PANK4: variants seen among roughly 807,000 people sequenced by gnomAD.
The protein encoded by PANK4 is pantothenate kinase 4 (inactive).
A neutral mutation model predicts 87.9 loss-of-function variants in PANK4; 40 were observed. The ratio of observed to expected loss-of-function variants is 0.46; its 90% confidence interval spans 0.35 to 0.59. The LOEUF is 0.59. Among genes scored for constraint, PANK4 ranks in the 20% least tolerant of loss-of-function variants. The pLI is 0.00. For missense variants in PANK4, 926 were observed against 1,072.3 expected, an observed-to-expected ratio of 0.86 and a Z score of 1.90; for synonymous variants, 524 against 467.4, an observed-to-expected ratio of 1.12 and a Z score of -1.56.
Position 2,521,194 on chromosome 1 carries a change from T to A in PANK4, c.329A>T (p.Asp110Val). The change falls in exon 3 of 19, where the codon GAC becomes GTC. Residue 110 changes from aspartate to valine, a missense_variant. Coordinates refer to ENST00000378466, the MANE Select transcript of PANK4 (RefSeq NM_018216.4). ...YIEACLDFIK[D>V]HLVNTETKVI... ...CTTGGTCTCTGTGTTGACGAGATGG[T>A]CTTTGATGAAGTCCAGGCAGGCTTC... is the stretch of plus-strand genomic sequence containing the variant. 12 of 1,613,910 alleles carry A rather than the reference T, an allele frequency of 7.4e-6. No individual in the cohort carries two copies. Among genetic ancestry groups the A allele is most frequent in the Non-Finnish European group, 1.0e-5 (12 of 1,179,954 alleles).
rs2100767999 is a variant in PANK4 at position 2,509,784 on chromosome 1, A to G, written c.2108+78T>C. On this transcript the variant is annotated intron_variant, in intron 18 of 18. Coordinates refer to ENST00000378466, the MANE Select transcript of PANK4 (RefSeq NM_018216.4). The surrounding 1 kb of genome is among the most constrained non-coding windows in gnomAD (Gnocchi z 4.9). ...GGCAGTCCTGAGGTCGGTGTCCCGCATGCACCTGGGTGCAGGTGCACGGCA... is the reference window on the plus strand; with the variant it reads ...GGCAGTCCTGAGGTCGGTGTCCCGCGTGCACCTGGGTGCAGGTGCACGGCA... 2 of 1,282,354 alleles carry G rather than the reference A, an allele frequency of 1.6e-6. No individual in the cohort carries two copies. Among genetic ancestry groups the G allele is most frequent in the South Asian group, 1.2e-5 (1 of 81,926 alleles). 79.4% of individuals were successfully genotyped at this position (1,282,354 alleles called of 1,614,324 possible).
chr1:2,513,806 AAC>A (rs1217840254), intron 12 of PANK4, among the ~76,000 whole-genome samples, 194 bp downstream of exon 12: 2 of 152,222 alleles, frequency 1.3e-5, no homozygotes, highest in African/African-American at 2.4e-5. Context: ...CTGTGGGGGT[AAC>A]ACAGCTCCTC....
In PANK4 at chr1:2,510,671, C is replaced by A. The variant is rs1475739614; in HGVS notation, c.1938+7G>T. On this transcript the variant is annotated splice_region_variant and intron_variant, in intron 16 of 18. Coordinates refer to ENST00000378466, the MANE Select transcript of PANK4 (RefSeq NM_018216.4). This position sits in a 1 kb window ranked among gnomAD's most constrained non-coding sequence, Gnocchi z 4.9. ...GGAAGGGCCCCACCCACCACCTCAA[C>A]ACTCACCTCTGTCCCTCTAAGGAGT... is the stretch of plus-strand genomic sequence containing the variant. 1.3e-6 allele frequency: 2 copies of A among 1,533,614 alleles called. No individual in the cohort carries two copies. Among genetic ancestry groups the A allele is most frequent in the South Asian group, 2.2e-5 (2 of 89,502 alleles).
chr1:2,510,877 C>T lies in PANK4; in HGVS notation c.1834-95G>A, dbSNP rs1172090741. 12 of 773,994 alleles carry T rather than the reference C, an allele frequency of 1.6e-5. No individual in the cohort carries two copies. The highest frequency in any genetic ancestry group is 5.8e-5 in the South Asian group (4 of 68,420). The allele number at this position is 773,994 out of a possible 1,614,324, so 47.9% of individuals were successfully genotyped here. The stretch of plus-strand genomic sequence containing the variant: ...GCCCGTCACGCTGCCCTGCAGGGGC[C>T]GAGACTGGGGGCTTCAGGGCCCCAG... On this transcript the variant is annotated intron_variant, in intron 15 of 18. Coordinates refer to ENST00000378466, the MANE Select transcript of PANK4 (RefSeq NM_018216.4). This position sits in a 1 kb window ranked among gnomAD's most constrained non-coding sequence, Gnocchi z 4.9.
At chr1:2,514,197 G>C in intron 11 of PANK4, 108 bp from the exon 12 acceptor site, 1 of 1,155,600 alleles carries the variant, frequency 8.7e-7, no homozygotes, top group Non-Finnish European at 1.3e-6. Context: ...CAGTGCAAAC[G>C]CTGCTTGAGG....
Position 2,519,793 on chromosome 1 carries a change from G to GT in PANK4, c.853+7dup. The GT allele has an allele frequency of 6.4e-7, 1 of 1,572,056 alleles. No individual in the cohort carries two copies. The highest frequency in any genetic ancestry group is 2.3e-5 in the East Asian group (1 of 43,132). On this transcript the variant is annotated splice_region_variant and intron_variant, in intron 6 of 18. Coordinates refer to ENST00000378466, the MANE Select transcript of PANK4 (RefSeq NM_018216.4). This position sits in a 1 kb window ranked among gnomAD's most constrained non-coding sequence, Gnocchi z 8.3. ...CTGCTCTCTGGCGGCAGAGGCCGGG[G>GT]TGAGCACCTTGGTCGGCGGTGGCCG...
rs757093594 is a variant in PANK4 at position 2,515,541 on chromosome 1, G to C, written c.1374+21C>G. 1 of 1,611,570 alleles carries C rather than the reference G, an allele frequency of 6.2e-7. No homozygotes were observed. The highest frequency in any genetic ancestry group is 1.1e-5 in the South Asian group (1 of 91,022). Reference sequence around the variant, plus strand: ...CCGGCTGCGGCCTTGGAATCGTCTAGACGGCACCCGGAGCCCTCACCCCGT... The same window carrying C: ...CCGGCTGCGGCCTTGGAATCGTCTACACGGCACCCGGAGCCCTCACCCCGT... On this transcript the variant is annotated intron_variant, in intron 10 of 18. Coordinates refer to ENST00000378466, the MANE Select transcript of PANK4 (RefSeq NM_018216.4). This position sits in a 1 kb window ranked among gnomAD's most constrained non-coding sequence, Gnocchi z 5.0.
chr1:2,508,786 G>T lies in PANK4; in HGVS notation c.*61C>A. ...ACGTTGATTTGAACGCAGTTTCCCT[G>T]TGGTGGTAAAAACACATTCCTGACA... On this transcript the variant is annotated 3_prime_UTR_variant, in exon 19 of 19. Transcript: ENST00000378466. This position sits in a 1 kb window ranked among gnomAD's most constrained non-coding sequence, Gnocchi z 5.1. The T allele has an allele frequency of 9.9e-7, 1 of 1,008,528 alleles. No individual in the cohort carries two copies. The highest frequency in any genetic ancestry group is 1.5e-6 in the Non-Finnish European group (1 of 654,270). The allele number at this position is 1,008,528 out of a possible 1,614,324, so 62.5% of individuals were successfully genotyped here.
At chr1:2,523,455 G>A (rs1468845960) in intron 1 of PANK4, among the ~76,000 whole-genome samples, 3 of 152,182 alleles carry the variant, frequency 2.0e-5, no homozygotes, top group Non-Finnish European at 4.4e-5. Context: ...GATGCAAGAG[G>A]ATGAAGATCT....
rs567634040 is a variant in PANK4 at position 2,519,393 on chromosome 1, G to C, written c.854-69C>G. On this transcript the variant is annotated intron_variant, in intron 6 of 18. Transcript: ENST00000378466. The surrounding 1 kb of genome is among the most constrained non-coding windows in gnomAD (Gnocchi z 8.3). Reference sequence around the variant, plus strand: ...GTGCACGACATGAGAGCGAGCAGGAGGGGAGGGGGAGAGAGAGCTGAGTGG... The same window carrying C: ...GTGCACGACATGAGAGCGAGCAGGACGGGAGGGGGAGAGAGAGCTGAGTGG... 2.4e-6 allele frequency: 2 copies of C among 841,296 alleles called. No homozygotes were observed. The highest frequency in any genetic ancestry group is 1.9e-5 in the African/African-American group (1 of 53,726). The allele number at this position is 841,296 out of a possible 1,614,324, so 52.1% of individuals were successfully genotyped here. A position where few individuals can be genotyped will look rare whatever the true frequency, so the allele number is the denominator to read the frequency against.
In PANK4 at chr1:2,509,721, G is replaced by A; in HGVS notation, c.2108+141C>T. The A allele has an allele frequency of 1.4e-6, 1 of 716,502 alleles. No individual in the cohort carries two copies. 44.4% of individuals were successfully genotyped at this position (716,502 alleles called of 1,614,324 possible). Reference sequence around the variant, plus strand: ...GGGGATGGCATATCTGTCCCCTCCTGAGATCAATCCGGGCCTGGGGTCAGG... The same window carrying A: ...GGGGATGGCATATCTGTCCCCTCCTAAGATCAATCCGGGCCTGGGGTCAGG... On this transcript the variant is annotated intron_variant, in intron 18 of 18. Transcript: ENST00000378466. This position sits in a 1 kb window ranked among gnomAD's most constrained non-coding sequence, Gnocchi z 4.9.
At position 2,518,507 on chromosome 1, in the gene PANK4, G is replaced by A. The variant is rs201022471; in HGVS notation, c.1117+9C>T. ...CACGCTGCTCAGGGGCGCCAGCACC[G>A]CGACTCACTGTCCTGCTCAGCTCCT... On this transcript the variant is annotated intron_variant, in intron 8 of 18. Transcript: ENST00000378466. 1.2e-5 allele frequency: 19 copies of A among 1,556,286 alleles called. No homozygotes were observed. In the East Asian group the frequency reaches 1.4e-4, roughly 12 times the overall value.
chr1:2,520,411 C>T lies in PANK4; in HGVS notation c.610G>A (p.Glu204Lys). The T allele has an allele frequency of 6.2e-7, 1 of 1,612,534 alleles. No homozygotes were observed. Among genetic ancestry groups the T allele is most frequent in the Non-Finnish European group, 8.5e-7 (1 of 1,179,686 alleles). ...IGSGVSIVKV[E>K]TEDRFEWVGG... ...ACCCACTCGAACCTGTCCTCCGTCT[C>T]CACCTGCAACAGAGCCAGGGCAGGT... The change falls in exon 5 of 19, where the codon GAG (glutamate) becomes AAG (lysine). Residue 204 changes from glutamate to lysine, a missense_variant. By Grantham distance (56) the Glu-to-Lys change is moderately conservative (BLOSUM62 1). Transcript: ENST00000378466. The surrounding 1 kb of genome is among the most constrained non-coding windows in gnomAD (Gnocchi z 6.2).
intron 9 of PANK4, 24 bp downstream of exon 9, chr1:2,518,140 G>C: frequency 6.7e-7 from 1 of 1,503,256 alleles, no homozygotes. Context: ...CTGGGGCCCG[G>C]GGCGGCCAGA....
At chr1:2,522,773 G>A (rs57638373) in intron 1 of PANK4, among the ~76,000 whole-genome samples, 2 of 151,272 alleles carry the variant, frequency 1.3e-5, no homozygotes, top group African/African-American at 2.4e-5. Context: ...GTAACTTAAC[G>A]GAGGGGACCG....
chr1:2,517,759 G>A (rs527830965), intron 9 of PANK4, among the ~76,000 whole-genome samples: 7 of 152,356 alleles, frequency 4.6e-5, no homozygotes, highest in Non-Finnish European at 7.4e-5. Flanking sequence ...CACAGTGCGC[G>A]GCAGTGTGCG....
In PANK4 at chr1:2,520,964, C is replaced by T; in HGVS notation, c.423-58G>A. 6.5e-7 allele frequency: 1 copy of T among 1,530,362 alleles called. No individual in the cohort carries two copies. The highest frequency in any genetic ancestry group is 8.8e-7 in the Non-Finnish European group (1 of 1,131,982). 94.8% of individuals were successfully genotyped at this position (1,530,362 alleles called of 1,614,324 possible). A position where few individuals can be genotyped will look rare whatever the true frequency, so the allele number is the denominator to read the frequency against. ...TGGGCCACAGACAGGTGCAACCATG[C>T]AAGCCTGCCTGGTCCGAAGGGGCAG... is the stretch of plus-strand genomic sequence containing the variant. On this transcript the variant is annotated intron_variant, in intron 3 of 18. Transcript: ENST00000378466. The surrounding 1 kb of genome is among the most constrained non-coding windows in gnomAD (Gnocchi z 6.2).
rs762793417 is a variant in PANK4 at position 2,521,120 on chromosome 1, C to G, written c.403G>C (p.Glu135Gln). The G allele has an allele frequency of 1.1e-5, 17 of 1,613,402 alleles. No individual in the cohort carries two copies. The highest frequency in any genetic ancestry group is 1.4e-5 in the Non-Finnish European group (17 of 1,179,716). ...GGAYKFKDLI[E>Q]EKLRLKVDKE... ...ACTCACTTCAGCCGCAGCTTCTCTT[C>G]GATGAGGTCTTTGAACTTGTAGGCC... is the stretch of plus-strand genomic sequence containing the variant. Residue 135 changes from glutamate to glutamine, a missense_variant, in exon 3 of 19, where the codon GAA becomes CAA. Glu to Gln is a conservative substitution (Grantham distance 29). Coordinates refer to ENST00000378466, the MANE Select transcript of PANK4 (RefSeq NM_018216.4).
rs781216075 is a variant in PANK4, at chr1:2,521,710, A to G, written c.207+8T>C. 1 of 1,611,112 alleles carries G rather than the reference A, an allele frequency of 6.2e-7. No homozygotes were observed. The highest frequency in any genetic ancestry group is 8.5e-7 in the Non-Finnish European group (1 of 1,177,488). On this transcript the variant is annotated splice_region_variant and intron_variant, in intron 2 of 18. Coordinates refer to ENST00000378466, the MANE Select transcript of PANK4 (RefSeq NM_018216.4). ...GCCCTGCCCCGGGTGGCCACAGTGC[A>G]GGCTCACCTTTCCGGAGTGGTCGAA...
Sources: gnomAD v4.1 joint callset for allele counts (sites outside exome capture counted in the v4.1 genomes callset) on GRCh38, gnomAD v4.1.1 for gene constraint, Gnocchi (gnomAD v3.1) non-coding constraint, MANE v1.5 for transcripts, NCBI Gene and HGNC (gene_info 2026-07-23, HGNC 2026-07-21) for gene names.